ZSCAN5C: variants seen among roughly 807,000 people sequenced by gnomAD.
The protein encoded by ZSCAN5C is zinc finger and SCAN domain containing 5C.
In ZSCAN5C, 11 loss-of-function variants were observed where a neutral mutation model predicts 17.3. The observed-to-expected ratio is 0.64, with a 90% confidence interval of 0.40 to 1.06. ZSCAN5C has a LOEUF of 1.06. ZSCAN5C is among the 50% of genes least tolerant of loss of function. ZSCAN5C has a pLI of 0.00. For missense variants in ZSCAN5C, 698 were observed against 538.9 expected (o/e 1.30, Z -2.92); for synonymous variants, 229 against 208.4 (o/e 1.10, Z -0.85).
At chr19:56,203,877 G>A (rs1322463708) in intron 1 of ZSCAN5C, among the ~76,000 whole-genome samples, 3 of 151,656 alleles carry the variant, frequency 2.0e-5, no homozygotes, top group African/African-American at 7.3e-5. Flanking sequence ...TTGAACTCCC[G>A]ACCTCAGGTG....
chr19:56,208,351 A>G, intron 4 of ZSCAN5C, 98 bp from the exon 5 acceptor site: 2 of 831,670 alleles, frequency 2.4e-6, no homozygotes, highest in Non-Finnish European at 3.8e-6. Context: ...TTTAAGGTTG[A>G]GGGGAAGTTG....
chr19:56,202,757 C>T (rs557445362), intron 1 of ZSCAN5C, among the ~76,000 whole-genome samples: 1 of 152,026 alleles, frequency 6.6e-6, no homozygotes, highest in East Asian at 1.9e-4. Context: ...GGTCTCAGTA[C>T]ATTGCCCAGG....
chr19:56,208,658 A>G (rs1234023521), exon 5 of ZSCAN5C: 8 of 1,612,560 alleles, frequency 5.0e-6, no homozygotes, highest in Non-Finnish European at 6.8e-6. Flanking sequence ...AGGAGAAGCC[A>G]CACCTGTGGG....
rs916838769 is a variant in ZSCAN5C, at chr19:56,207,320, C to T, written c.588+58C>T. The T allele has an allele frequency of 5.1e-5, 36 of 702,042 alleles. 1 individual carries two copies. The highest frequency in any genetic ancestry group is 3.7e-4 in the African/African-American group (21 of 56,602). 43.5% of individuals were successfully genotyped at this position (702,042 alleles called of 1,614,324 possible). On this transcript the variant is annotated intron_variant, in intron 3 of 4. Coordinates refer to ENST00000534327, the Ensembl canonical transcript of ZSCAN5C. Reference sequence around the variant, plus strand: ...GGTGGGAGAAGGAACGGGAGGAAATCGTGTGGCCACTGGACTGATTGAGAG... The same window carrying T: ...GGTGGGAGAAGGAACGGGAGGAAATTGTGTGGCCACTGGACTGATTGAGAG...
At chr19:56,206,241 C>G in exon 2 of ZSCAN5C, 1 of 1,560,930 alleles carries the variant, frequency 6.4e-7, no homozygotes, top group Non-Finnish European at 8.7e-7. Flanking sequence ...GAACGGTGTG[C>G]AGAGCTGCAA....
In ZSCAN5C at chr19:56,208,547, G is replaced by C. The variant is rs569404024; in HGVS notation, c.838G>C (p.Glu280Gln). ...ACCTTCTGCCTGCGTTGTGGAGAGA[G>C]AAGCTTCGACTCACAGCGGGAGCAG... The change falls in exon 5 of 5, where the codon GAA becomes CAA. Residue 280 changes from glutamate to glutamine, a missense_variant. This residue lies in a region of ZSCAN5C where 554 missense variants were observed against 390.5 expected (regional missense o/e 1.42). Coordinates refer to ENST00000534327, the Ensembl canonical transcript of ZSCAN5C. The C allele has an allele frequency of 6.9e-6, 11 of 1,590,642 alleles. No individual in the cohort carries two copies. The South Asian group carries it at 8.8e-5, about 13-fold the overall frequency.
exon 5 of ZSCAN5C, chr19:56,209,079 A>G (rs548005102): frequency 6.3e-6 from 10 of 1,598,632 alleles, no homozygotes; most frequent in Non-Finnish European, 8.6e-6. Context: ...AATCTGAAGG[A>G]GCACCAGCGC....
intron 1 of ZSCAN5C, among the ~76,000 whole-genome samples, chr19:56,204,831 G>A (rs2032904510): frequency 6.6e-6 from 1 of 151,966 alleles, no homozygotes; most frequent in Admixed American, 6.5e-5. Context: ...GTCTAGGAAA[G>A]CAGGGCTGTG....
chr19:56,202,647 G>A (rs772755694), intron 1 of ZSCAN5C, among the ~76,000 whole-genome samples: 17 of 151,974 alleles, frequency 1.1e-4, no homozygotes, highest in Non-Finnish European at 1.8e-4. Context: ...TGGAATTCCC[G>A]GACTCAAACG....
intron 1 of ZSCAN5C, 117 bp downstream of exon 1, chr19:56,202,439 C>T (rs1458718336): frequency 6.6e-6 from 1 of 151,844 alleles, no homozygotes; most frequent in Non-Finnish European, 1.5e-5. Context: ...GTGTTGGTTT[C>T]AGAAAGATTT....
In ZSCAN5C at chr19:56,208,963, G is replaced by C; in HGVS notation, c.1254G>C (p.Gln418His). 1.9e-6 allele frequency: 3 copies of C among 1,613,548 alleles called. No homozygotes were observed. In the Middle Eastern group the frequency reaches 5.0e-4, roughly 266 times the overall value. ...GGCCCTACACGTGTGACATCTGCCA[G>C]AAGCAGTTCACCCAGAAGTCCTACT... The change falls in exon 5 of 5, where the codon CAG (glutamine) becomes CAC (histidine). Residue 418 changes from glutamine (Q) to histidine (H), a missense_variant. Transcript: ENST00000534327.
At chr19:56,206,769 G>A (rs1295520015) in intron 2 of ZSCAN5C, among the ~76,000 whole-genome samples, 4 of 132,288 alleles carry the variant, frequency 3.0e-5, no homozygotes, top group African/African-American at 1.1e-4. Flanking sequence ...GAGATTCAGG[G>A]ATCTGCCTCC....
chr19:56,207,703 T>G (rs1413524259), intron 3 of ZSCAN5C, among the ~76,000 whole-genome samples: 1 of 151,772 alleles, frequency 6.6e-6, no homozygotes, highest in Non-Finnish European at 1.5e-5. Flanking sequence ...ATTTTTGTTG[T>G]CATTGTAGGG....
chr19:56,206,878 G>C (rs537085193), intron 2 of ZSCAN5C, among the ~76,000 whole-genome samples, 181 bp from the exon 3 acceptor site: 3 of 151,834 alleles, frequency 2.0e-5, no homozygotes, highest in Non-Finnish European at 4.4e-5. Flanking sequence ...TCATCTAAAG[G>C]ACTCATATTT....
At chr19:56,209,113 C>A (rs776580386) in exon 5 of ZSCAN5C, 2 of 1,568,642 alleles carry the variant, frequency 1.3e-6, no homozygotes, top group African/African-American at 2.7e-5. Flanking sequence ...AGAAACCCCA[C>A]AAATGTTCCA....
chr19:56,206,656 G>A (rs2032924934), intron 2 of ZSCAN5C, among the ~76,000 whole-genome samples: 1 of 151,726 alleles, frequency 6.6e-6, no homozygotes, highest in Non-Finnish European at 1.5e-5. Flanking sequence ...GAAAGACATT[G>A]GTGAAATATT....
chr19:56,205,904 C>T (rs769337467), exon 2 of ZSCAN5C: 3 of 1,062,666 alleles, frequency 2.8e-6, no homozygotes, highest in East Asian at 4.8e-5. Context: ...TGAAATATTC[C>T]CCAGTAGACA....
chr19:56,207,906 G>A, intron 3 of ZSCAN5C, 128 bp from the exon 4 acceptor site: 1 of 612,230 alleles, frequency 1.6e-6, no homozygotes, highest in Non-Finnish European at 2.9e-6. Flanking sequence ...TATGCCCAGA[G>A]AACCAAACAG....
chr19:56,207,186 A>C lies in ZSCAN5C; in HGVS notation c.512A>C (p.Gln171Pro), dbSNP rs573534024. ...AGCCAGCGGACCTCCTCTGTGAACC[A>C]GATGTGTCCGGAGGAAGGCCAGGCC... Residue 171 changes from glutamine to proline, a missense_variant, in exon 3 of 5, where the codon CAG becomes CCG. Gln to Pro is a moderately conservative substitution (Grantham distance 76). This residue lies in a region of ZSCAN5C where 554 missense variants were observed against 390.5 expected (regional missense o/e 1.42). Coordinates refer to ENST00000534327, the Ensembl canonical transcript of ZSCAN5C. The C allele has an allele frequency of 4.0e-5, 31 of 778,680 alleles. No individual in the cohort carries two copies. The Middle Eastern group carries it at 6.7e-4, about 17-fold the overall frequency. The allele number at this position is 778,680 out of a possible 1,614,324, so 48.2% of individuals were successfully genotyped here.
Sources: gnomAD v4.1 joint callset for allele counts (sites outside exome capture counted in the v4.1 genomes callset) on GRCh38, gnomAD v4.1.1 for gene constraint, gnomAD v4.1.1 regional missense constraint, MANE v1.5 for transcripts, NCBI Gene and HGNC (gene_info 2026-07-23, HGNC 2026-07-21) for gene names.